Variants in CATSPERD observed in about 807,000 individuals in gnomAD.
The protein encoded by CATSPERD is cation channel sperm-associated auxiliary subunit delta.
In CATSPERD, 86 loss-of-function variants were observed where a neutral mutation model predicts 98.1. The ratio of observed to expected loss-of-function variants is 0.88; its 90% CI spans 0.74 to 1.05. The LOEUF (loss-of-function observed/expected upper bound fraction) is 1.05, where lower values mean the gene tolerates loss of function less well. Ranked by LOEUF, CATSPERD falls within the 50% of genes least tolerant of loss-of-function variation. The pLI, the probability that CATSPERD is intolerant of heterozygous loss-of-function variation, is 0.00. For synonymous variants in CATSPERD, 394 were observed against 390.2 expected, an observed-to-expected ratio of 1.01 and a Z score of -0.12; for missense variants, 995 against 1,005.7, an observed-to-expected ratio of 0.99 and a Z score of 0.14.
intron 20 of CATSPERD, among the ~76,000 whole-genome samples, chr19:5,773,575 G>A (rs2056688700): frequency 6.6e-6 from 1 of 152,058 alleles, no homozygotes; most frequent in African/African-American, 2.4e-5. Flanking sequence ...CCAGGCTGGA[G>A]TGCAGTGGTG....
intron 9 of CATSPERD, among the ~76,000 whole-genome samples, chr19:5,746,760 G>A (rs987345700): frequency 2.6e-5 from 4 of 151,992 alleles, no homozygotes; most frequent in Non-Finnish European, 4.4e-5. Context: ...GAAGGCTAAT[G>A]GTTGTATTCC....
At chr19:5,765,188 C>T (rs1331640407) in intron 16 of CATSPERD, among the ~76,000 whole-genome samples, 2 of 152,108 alleles carry the variant, frequency 1.3e-5, no homozygotes, top group African/African-American at 4.8e-5. Context: ...GGATTAAAGG[C>T]GTGAGCCACT....
At chr19:5,758,923 CAAAAAAAA>C (rs1002375684) in intron 14 of CATSPERD, among the ~76,000 whole-genome samples, 155 bp from the exon 15 acceptor site, 6 of 39,496 alleles carry the variant, frequency 1.5e-4, no homozygotes, top group African/African-American at 2.7e-4. Flanking sequence ...GACTCCATCT[CAAAAAAAA>C]AAAAAAAAAA....
chr19:5,755,773 CAATA>C (rs34152865), intron 13 of CATSPERD, among the ~76,000 whole-genome samples: 11 of 148,936 alleles, frequency 7.4e-5, no homozygotes, highest in Admixed American at 4.0e-4. Flanking sequence ...GACTCTGTCT[CAATA>C]AATAAATAAA....
intron 17 of CATSPERD, among the ~76,000 whole-genome samples, chr19:5,766,899 G>T (rs1293533765): frequency 2.0e-5 from 3 of 151,676 alleles, no homozygotes; most frequent in Non-Finnish European, 4.4e-5. Context: ...CACCATGTTG[G>T]CCAGGCTGGT....
intron 11 of CATSPERD, 44 bp downstream of exon 11, chr19:5,749,227 C>T: frequency 7.0e-7 from 1 of 1,429,980 alleles, no homozygotes; most frequent in Non-Finnish European, 9.7e-7. Flanking sequence ...CACGGTGGTT[C>T]ACGCCTGTCA....
chr19:5,731,583 T>C (rs1015782795), intron 4 of CATSPERD, among the ~76,000 whole-genome samples: 1 of 136,894 alleles, frequency 7.3e-6, no homozygotes, highest in African/African-American at 2.8e-5. Flanking sequence ...TTTTTTTTTT[T>C]TTTGAGACGG....
At chr19:5,762,164 A>C (rs2056453624) in intron 15 of CATSPERD, among the ~76,000 whole-genome samples, 1 of 145,934 alleles carries the variant, frequency 6.9e-6, no homozygotes, top group South Asian at 2.2e-4. Context: ...CCTGAGTTCA[A>C]GTGATTCTTG....
At chr19:5,728,368 AAAAAAAG>A (rs1360957575) in intron 3 of CATSPERD, among the ~76,000 whole-genome samples, 2 of 149,996 alleles carry the variant, frequency 1.3e-5, no homozygotes, top group Admixed American at 6.7e-5. Context: ...AAAAAAAAAA[AAAAAAAG>A]AAAAAGAAAA....
At chr19:5,770,841 A>T in intron 18 of CATSPERD, 103 bp from the exon 19 acceptor site, 1 of 1,405,330 alleles carries the variant, frequency 7.1e-7, no homozygotes, top group East Asian at 2.3e-5. Flanking sequence ...TGCCACTCTC[A>T]TGGACGATCC....
intron 1 of CATSPERD, among the ~76,000 whole-genome samples, chr19:5,724,250 A>G (rs1050813271): frequency 6.6e-6 from 1 of 151,724 alleles, no homozygotes; most frequent in Admixed American, 6.6e-5. Flanking sequence ...TTCAGTAGAG[A>G]TGGGGTTTCA....
At chr19:5,740,762 CAAAAAAAAAA>C (rs59937872) in intron 7 of CATSPERD, among the ~76,000 whole-genome samples, 2 of 36,494 alleles carry the variant, frequency 5.5e-5, no homozygotes, top group African/African-American at 1.0e-4. Flanking sequence ...AACTCCGTCT[CAAAAAAAAAA>C]AAAAAAAAAA....
Position 5,741,795 on chromosome 19 carries a change from GGGGT to G in CATSPERD, c.573+2359_573+2362del, listed in dbSNP as rs1361102867. On this transcript the variant is annotated intron_variant, in intron 7 of 21. Coordinates refer to ENST00000381624, the MANE Select transcript of CATSPERD (RefSeq NM_152784.4). ...TTGGGATGCTGAAGGCGGGGGGGGG[GGGGT>G]GGTGTGGATCACTTGAGGTCAGGAG... Among the ~76,000 whole-genome samples, 599 of 90,472 alleles carry G rather than the reference GGGGT, an allele frequency of 6.6e-3. 141 individuals are homozygous for G. The highest frequency in any genetic ancestry group is 0.012 in the Non-Finnish European group (489 of 39,342). The allele number at this position is 90,472 out of a possible 152,430, so 59.4% of individuals were successfully genotyped here. A position where few individuals can be genotyped will look rare whatever the true frequency, so the allele number is the denominator to read the frequency against.
At chr19:5,727,010 G>A (rs1367358325) in intron 2 of CATSPERD, among the ~76,000 whole-genome samples, 2 of 152,142 alleles carry the variant, frequency 1.3e-5, no homozygotes, top group Non-Finnish European at 2.9e-5. Context: ...TGGCTAACAT[G>A]GTGAAACCCT....
intron 5 of CATSPERD, among the ~76,000 whole-genome samples, chr19:5,735,774 ATTTTT>A (rs34107835): frequency 9.8e-6 from 1 of 102,060 alleles, no homozygotes. Flanking sequence ...TGCCCGGCTA[ATTTTT>A]TTTTTTTTTT....
At chr19:5,726,206 C>G (rs1031427503) in intron 2 of CATSPERD, among the ~76,000 whole-genome samples, 1 of 151,486 alleles carries the variant, frequency 6.6e-6, no homozygotes, top group South Asian at 2.1e-4. Context: ...GGATTACAGG[C>G]GTGCGCCACC....
intron 5 of CATSPERD, among the ~76,000 whole-genome samples, chr19:5,734,232 C>T (rs1170573580): frequency 6.6e-6 from 1 of 152,188 alleles, no homozygotes. Flanking sequence ...GCCGGGTGCG[C>T]TGGCTCACGC....
intron 7 of CATSPERD, among the ~76,000 whole-genome samples, chr19:5,739,838 CAAAA>C (rs1186618349): frequency 2.7e-5 from 1 of 36,572 alleles, no homozygotes. Context: ...GACCTCATCT[CAAAA>C]AAAAAAAAAA....
chr19:5,773,713 A>G (rs1294191433), intron 20 of CATSPERD, among the ~76,000 whole-genome samples: 1 of 117,706 alleles, frequency 8.5e-6, no homozygotes, highest in Non-Finnish European at 1.8e-5. Context: ...TTTTTTTTGT[A>G]GAGGCAGGGC....
Sources: allele counts gnomAD v4.1 joint callset (sites outside exome capture counted in the v4.1 genomes callset), GRCh38; gene constraint gnomAD v4.1.1; transcripts MANE v1.5; gene names NCBI Gene and HGNC (gene_info 2026-07-23, HGNC 2026-07-21).